The following HERC4 variants were observed in gnomAD, a reference collection of about 807,000 sequenced individuals.
HERC4 encodes HECT and RLD domain containing E3 ubiquitin protein ligase 4, also known as probable E3 ubiquitin-protein ligase HERC4.
A neutral mutation model predicts 124.3 loss-of-function variants in HERC4; 28 were observed. The observed-to-expected ratio is 0.23, with a 90% confidence interval of 0.17 to 0.31. The LOEUF (loss-of-function observed/expected upper bound fraction) is 0.31, where lower values mean the gene tolerates loss of function less well. Ranked by LOEUF, HERC4 falls within the 10% of genes least tolerant of loss-of-function variation. HERC4 has a pLI of 1.00. For missense variants in HERC4, 713 were observed against 1,229.3 expected, an observed-to-expected ratio of 0.58 and a Z score of 6.28; for synonymous variants, 407 against 421.5, an observed-to-expected ratio of 0.97 and a Z score of 0.42.
At chr10:68,011,002 C>A in intron 9 of HERC4, 1 of 712,616 alleles carries the variant, frequency 1.4e-6, no homozygotes, top group African/African-American at 1.8e-5. Flanking sequence ...AGTCTTGAGC[C>A]CCTCAGTCAT....
rs115605403 is a variant in HERC4 at position 67,966,302 on chromosome 10, A to G, written c.1926+381T>C. ...CCTCTTTTGGTAGTCTTGAAGCACCAATTTCACAACAATAATGCATTCTTA... is the reference window on the plus strand; with the variant it reads ...CCTCTTTTGGTAGTCTTGAAGCACCGATTTCACAACAATAATGCATTCTTA... On this transcript the variant is annotated intron_variant, in intron 16 of 24. Coordinates refer to ENST00000373700, the MANE Select transcript of HERC4 (RefSeq NM_015601.4). 1,105 of 189,306 alleles carry G rather than the reference A, an allele frequency of 5.8e-3. 13 individuals carry two copies. Among genetic ancestry groups the G allele is most frequent in the African/African-American group, 0.025 (1,047 of 41,836 alleles). 11.7% of individuals were successfully genotyped at this position (189,306 alleles called of 1,614,324 possible).
chr10:67,997,601 CCT>C (rs2036967579), intron 9 of HERC4, among the ~76,000 whole-genome samples: 1 of 152,058 alleles, frequency 6.6e-6, no homozygotes, highest in Non-Finnish European at 1.5e-5. Context: ...AAGCTTTAAC[CCT>C]GAGTACCTCA....
At chr10:68,040,594 G>GA (rs2039711795) in intron 4 of HERC4, 1 of 375,512 alleles carries the variant, frequency 2.7e-6, no homozygotes, top group Non-Finnish European at 3.7e-6. Flanking sequence ...ACACTGAACA[G>GA]AAAAGCAAAA....
intron 3 of HERC4, among the ~76,000 whole-genome samples, chr10:68,049,399 CACATCTG>C (rs2040173345): frequency 6.6e-6 from 1 of 151,908 alleles, no homozygotes; most frequent in Non-Finnish European, 1.5e-5. Context: ...CACAGTGGCT[CACATCTG>C]TAATCCCAGG....
intron 4 of HERC4, among the ~76,000 whole-genome samples, chr10:68,041,662 C>T (rs926759129): frequency 8.4e-4 from 128 of 152,246 alleles, no homozygotes; most frequent in African/African-American, 3.0e-3. Flanking sequence ...TTATTGCCAA[C>T]AATTATTTTT....
intron 5 of HERC4, among the ~76,000 whole-genome samples, chr10:68,036,992 AT>A (rs1467675273): frequency 9.2e-5 from 14 of 151,496 alleles, no homozygotes; most frequent in African/African-American, 3.4e-4. Context: ...CTCTTAATTT[AT>A]CTGTGCTTCC....
At chr10:68,068,486 CAAAAAAAAAAAAAA>C (rs34779824) in intron 3 of HERC4, 2 of 71,076 alleles carry the variant, frequency 2.8e-5, no homozygotes, top group African/African-American at 5.3e-5. Flanking sequence ...GACTCCGTTT[CAAAAAAAAAAAAAA>C]AAAAAAAAAA....
At position 67,963,852 on chromosome 10, in the gene HERC4, C is replaced by T. The variant is rs538675256; in HGVS notation, c.1926+2831G>A. The stretch of plus-strand genomic sequence containing the variant: ...TTTATACTGCAATATCTATTATGCC[C>T]ATAATGCAAAATTTGCATTTAAAGA... On this transcript the variant is annotated intron_variant, in intron 16 of 24. Coordinates refer to ENST00000373700, the MANE Select transcript of HERC4 (RefSeq NM_015601.4). 3.9e-5 allele frequency among the ~76,000 whole-genome samples: 6 copies of T among 152,112 alleles called. No homozygotes were observed. The South Asian group carries it at 1.0e-3, about 26-fold the overall frequency.
intron 15 of HERC4, among the ~76,000 whole-genome samples, chr10:67,979,869 G>A (rs1394946095): frequency 6.6e-6 from 1 of 151,984 alleles, no homozygotes; most frequent in African/African-American, 2.4e-5. Flanking sequence ...CCTGAGAGGT[G>A]GAGCTTGCGG....
chr10:68,020,645 T>TGTA (rs2038563202), intron 8 of HERC4, among the ~76,000 whole-genome samples: 1 of 150,894 alleles, frequency 6.6e-6, no homozygotes, highest in South Asian at 2.1e-4. Context: ...GGCGGGCGCC[T>TGTA]GTAGTCCCAG....
chr10:68,018,875 C>T (rs1011426766), intron 8 of HERC4, among the ~76,000 whole-genome samples: 1 of 147,348 alleles, frequency 6.8e-6, no homozygotes, highest in Non-Finnish European at 1.5e-5. Flanking sequence ...AGATTCAATG[C>T]ACTACCAATC....
At position 67,999,511 on chromosome 10, in the gene HERC4, G is replaced by A. The variant is rs142122704; in HGVS notation, c.1070-6829C>T. ...GAAACAATGTATACATCAAAGAAAA[G>A]ACACTTGGGTATAGGGTTCTGAAGA... On this transcript the variant is annotated intron_variant, in intron 9 of 24. Coordinates refer to ENST00000373700, the MANE Select transcript of HERC4 (RefSeq NM_015601.4). 6.6e-4 allele frequency among the ~76,000 whole-genome samples: 100 copies of A among 152,270 alleles called. 2 individuals carry two copies. In the East Asian group the frequency reaches 0.017, roughly 26 times the overall value.
Position 67,969,609 on chromosome 10 carries a change from G to A in HERC4, c.1807-2807C>T, listed in dbSNP as rs540581758. ...CACAGAGCAAAAGCCTTCAGCCACT[G>A]AGGAAGGGGACGCAAACCCATGTCT... is the stretch of plus-strand genomic sequence containing the variant. On this transcript the variant is annotated intron_variant, in intron 15 of 24. Transcript: ENST00000373700. Among the ~76,000 whole-genome samples the A allele has an allele frequency of 6.0e-4, 92 of 152,302 alleles. 2 individuals carry two copies. The highest frequency in any genetic ancestry group is 4.7e-3 in the Admixed American group (72 of 15,300).
At chr10:68,049,032 T>A (rs1227848009) in intron 3 of HERC4, among the ~76,000 whole-genome samples, 1 of 152,158 alleles carries the variant, frequency 6.6e-6, no homozygotes, top group Admixed American at 6.5e-5. Flanking sequence ...CCTTCAGACC[T>A]AGCAATTCCA....
At chr10:68,062,123 A>C (rs1291992983) in intron 3 of HERC4, among the ~76,000 whole-genome samples, 3 of 152,088 alleles carry the variant, frequency 2.0e-5, no homozygotes, top group Non-Finnish European at 4.4e-5. Context: ...AAAATAAAAC[A>C]AAATCGAAAA....
chr10:67,968,173 CCAGA>C (rs2035004447), intron 15 of HERC4, among the ~76,000 whole-genome samples: 1 of 152,042 alleles, frequency 6.6e-6, no homozygotes, highest in Non-Finnish European at 1.5e-5. Flanking sequence ...GCCAGCACAG[CCAGA>C]CAGTGAGGAA....
intron 9 of HERC4, chr10:68,010,617 CA>C (rs2037889475): frequency 7.2e-7 from 1 of 1,383,528 alleles, no homozygotes; most frequent in Admixed American, 1.9e-5. Context: ...TTCGGCTTTG[CA>C]TATCTCCTGA....
intron 5 of HERC4, among the ~76,000 whole-genome samples, chr10:68,035,777 C>G (rs1322590835): frequency 6.6e-6 from 1 of 152,074 alleles, no homozygotes; most frequent in Non-Finnish European, 1.5e-5. Context: ...CTACCTAAAC[C>G]TTTCCCTCAT....
intron 7 of HERC4, among the ~76,000 whole-genome samples, chr10:68,028,582 G>A (rs2039025584): frequency 6.6e-6 from 1 of 152,062 alleles, no homozygotes. Flanking sequence ...CAACAATCAA[G>A]GGATTATCAT....
Sources: gnomAD v4.1 joint callset for allele counts (sites outside exome capture counted in the v4.1 genomes callset) on GRCh38, gnomAD v4.1.1 for gene constraint, MANE v1.5 for transcripts, NCBI Gene and HGNC (gene_info 2026-07-23, HGNC 2026-07-21) for gene names.